Variants in THSD4 observed in about 807,000 individuals in gnomAD.
THSD4 encodes the protein thrombospondin type-1 domain-containing protein 4.
In THSD4, 69 loss-of-function variants were observed where a neutral mutation model predicts 119.0. The ratio of observed to expected loss-of-function variants is 0.58; its 90% confidence interval spans 0.48 to 0.71. THSD4 has a LOEUF of 0.71. Among genes scored for constraint, THSD4 ranks in the 30% least tolerant of loss-of-function variants. THSD4 has a pLI of 0.00. For synonymous variants in THSD4, 524 were observed against 540.4 expected (o/e 0.97, Z 0.42); for missense variants, 1,393 against 1,391.1 (o/e 1.00, Z -0.02).
chr15:71,410,460 GAA>G (rs1206822607), intron 6 of THSD4, among the ~76,000 whole-genome samples: 1 of 152,200 alleles, frequency 6.6e-6, no homozygotes, highest in African/African-American at 2.4e-5. Context: ...GTGAGGGAAG[GAA>G]CAGTTAAGCA....
intron 7 of THSD4, among the ~76,000 whole-genome samples, chr15:71,425,877 C>T (rs1400342162): frequency 6.6e-6 from 1 of 152,090 alleles, no homozygotes; most frequent in African/African-American, 2.4e-5. Context: ...GGCCAAATAC[C>T]CAGAACACAA....
At chr15:71,763,341 G>C (rs1438305842) in intron 15 of THSD4, among the ~76,000 whole-genome samples, 3 of 151,738 alleles carry the variant, frequency 2.0e-5, no homozygotes, top group Admixed American at 6.6e-5. Flanking sequence ...ATTGTTGCAG[G>C]CTTCTTATAA....
chr15:71,598,433 A>G (rs1011415194), intron 7 of THSD4, among the ~76,000 whole-genome samples: 1 of 152,156 alleles, frequency 6.6e-6, no homozygotes, highest in African/African-American at 2.4e-5. Context: ...TATACGTGAT[A>G]TCAAGTATAA....
intron 7 of THSD4, among the ~76,000 whole-genome samples, chr15:71,562,463 G>C (rs984174686): frequency 1.3e-5 from 2 of 152,080 alleles, no homozygotes; most frequent in African/African-American, 4.8e-5. Flanking sequence ...TTTGCAGAGA[G>C]CCTACCATGT....
At chr15:71,677,121 G>A (rs1425937161) in intron 8 of THSD4, among the ~76,000 whole-genome samples, 4 of 152,212 alleles carry the variant, frequency 2.6e-5, no homozygotes, top group East Asian at 1.9e-4. Flanking sequence ...TTTTGAAAGA[G>A]TATTTAAGCA....
rs377462661 is a variant in THSD4, at chr15:71,288,865, G to A, written c.1015+32150G>A. ...TCTGACAACAATACCAAGACCTTCC[G>A]GGGATCCACGGTCTTCTGCATGGGG... On this transcript the variant is annotated intron_variant, in intron 6 of 17. Transcript: ENST00000261862. Among the ~76,000 whole-genome samples, 3 of 152,114 alleles carry A rather than the reference G, an allele frequency of 2.0e-5. No individual in the cohort carries two copies. In the East Asian group the frequency reaches 5.8e-4, roughly 29 times the overall value.
intron 2 of THSD4, among the ~76,000 whole-genome samples, chr15:71,143,538 G>A (rs8027873): frequency 0.012 from 1,791 of 152,134 alleles, 34 homozygotes; most frequent in African/African-American, 0.04. Flanking sequence ...TGCTAAGCTT[G>A]TGTAAGTCTG....
intron 7 of THSD4, among the ~76,000 whole-genome samples, chr15:71,599,707 G>A (rs1422582418): frequency 2.0e-5 from 3 of 152,222 alleles, no homozygotes; most frequent in Non-Finnish European, 4.4e-5. Flanking sequence ...ATTAAGAGCT[G>A]TTCCCTTCTG....
rs540964688 is a variant in THSD4 at position 71,103,821 on chromosome 15, G to A, written c.-80+6815G>A. Among the ~76,000 whole-genome samples the A allele has an allele frequency of 5.3e-5, 8 of 151,546 alleles. No homozygotes were observed. The South Asian group carries it at 1.7e-3, about 32-fold the overall frequency. On this transcript the variant is annotated intron_variant, in intron 1 of 17. Transcript: ENST00000355327. ...TTCCCCTGCACCCCACTCTCTCTCTGACTCTTCAGAATCTCCTTTCTTGTG... is the reference window on the plus strand; with the variant it reads ...TTCCCCTGCACCCCACTCTCTCTCTAACTCTTCAGAATCTCCTTTCTTGTG...
At chr15:71,326,726 T>TATATATATATA (rs1491127315) in intron 6 of THSD4, among the ~76,000 whole-genome samples, 28 of 87,942 alleles carry the variant, frequency 3.2e-4, no homozygotes, top group East Asian at 1.0e-3. Context: ...TATATATATA[T>TATATATATATA]TAGCTGGGTG....
At chr15:71,646,324 A>C (rs1303583297) in intron 7 of THSD4, among the ~76,000 whole-genome samples, 1 of 152,226 alleles carries the variant, frequency 6.6e-6, no homozygotes, top group East Asian at 1.9e-4. Context: ...AGAGTCCATA[A>C]GTTGTCAAAA....
rs527963800 is a variant in THSD4, at chr15:71,610,227, C to T, written c.1153-50303C>T. ...ATATGTGTTGCAGAGAGGCAGAGAA[C>T]CATGGTGGCATTTTGCCCAGTGAGA... On this transcript the variant is annotated intron_variant, in intron 7 of 17. Transcript: ENST00000261862. 1.1e-3 allele frequency among the ~76,000 whole-genome samples: 160 copies of T among 152,296 alleles called. 3 individuals are homozygous for T. Among genetic ancestry groups the T allele is most frequent in the South Asian group, 6.4e-3 (31 of 4,818 alleles).
intron 7 of THSD4, among the ~76,000 whole-genome samples, chr15:71,558,383 G>C (rs528271063): frequency 6.6e-6 from 1 of 152,244 alleles, no homozygotes; most frequent in African/African-American, 2.4e-5. Flanking sequence ...CCTTTAATCT[G>C]TTCTAATGTA....
intron 5 of THSD4, among the ~76,000 whole-genome samples, chr15:71,255,557 T>C (rs934647771): frequency 4.6e-5 from 7 of 152,190 alleles, no homozygotes; most frequent in African/African-American, 1.4e-4. Context: ...TCCAGAAGTT[T>C]GCATTTCCAG....
At chr15:71,181,786 A>G (rs1596251203) in intron 3 of THSD4, among the ~76,000 whole-genome samples, 1 of 152,348 alleles carries the variant, frequency 6.6e-6, no homozygotes, top group East Asian at 1.9e-4. Context: ...AAGACCAGAA[A>G]GAAGCCATAA....
At chr15:71,114,836 C>T (rs1344982283), upstream of THSD4, 2 of 152,130 alleles carry the variant, frequency 1.3e-5, no homozygotes, top group African/African-American at 4.8e-5. Flanking sequence ...GTGTGTGTGT[C>T]TCCTCCCCAT....
At chr15:71,389,810 G>GTTTTTTTTTTTCTT (rs1555408977) in intron 6 of THSD4, among the ~76,000 whole-genome samples, 1 of 87,998 alleles carries the variant, frequency 1.1e-5, no homozygotes, top group African/African-American at 4.3e-5. Flanking sequence ...TTTCTGGGTT[G>GTTTTTTTTTTTCTT]TTTTTTTTTT....
rs115872218 is a variant in THSD4, at chr15:71,296,382, C to T, written c.1015+39667C>T. Among the ~76,000 whole-genome samples the T allele has an allele frequency of 6.7e-3, 1,023 of 152,278 alleles. 10 individuals carry two copies. The highest frequency in any genetic ancestry group is 0.023 in the African/African-American group (961 of 41,552). ...CAGGAATCTGCATTTTATGAGCTCC[C>T]CAGGTAATTCAGATACATCTGGTTC... On this transcript the variant is annotated intron_variant, in intron 6 of 17. Transcript: ENST00000261862.
At chr15:71,736,621 G>C (rs915451219) in intron 10 of THSD4, among the ~76,000 whole-genome samples, 15 of 150,154 alleles carry the variant, frequency 1.0e-4, no homozygotes, top group Non-Finnish European at 1.8e-4. Context: ...CTGTCTCTCT[G>C]TCTCTCTCTC....
Sources: gnomAD v4.1 joint callset for allele counts (sites outside exome capture counted in the v4.1 genomes callset) on GRCh38, gnomAD v4.1.1 for gene constraint, MANE v1.5 for transcripts, NCBI Gene and HGNC (gene_info 2026-07-23, HGNC 2026-07-21) for gene names.